CLASRP: variants seen among roughly 807,000 people sequenced by gnomAD.
The protein encoded by CLASRP is CLK4 associating serine/arginine rich protein.
Under a neutral mutation model 99.9 loss-of-function variants are expected in CLASRP, and 52 were observed. That is an observed-to-expected ratio of 0.52 (90% CI 0.42 to 0.66). The LOEUF (loss-of-function observed/expected upper bound fraction) is 0.66. Among genes scored for constraint, CLASRP ranks in the 30% least tolerant of loss-of-function variants. The pLI, the probability that CLASRP is intolerant of heterozygous loss-of-function variation, is 0.00. For missense variants in CLASRP, 848 were observed against 999.2 expected (o/e 0.85, Z 2.04); for synonymous variants, 379 against 373.0 (o/e 1.02, Z -0.18).
intron 5 of CLASRP, among the ~76,000 whole-genome samples, chr19:45,053,868 G>A (rs977626586): frequency 2.6e-5 from 4 of 152,126 alleles, no homozygotes; most frequent in African/African-American, 9.7e-5. Context: ...TGATCCTCCT[G>A]CCTTGGCCTC....
intron 6 of CLASRP, among the ~76,000 whole-genome samples, 184 bp from the exon 7 acceptor site, chr19:45,057,565 TG>T (rs768314262): frequency 3.9e-5 from 6 of 151,924 alleles, no homozygotes; most frequent in Non-Finnish European, 8.8e-5. Flanking sequence ...TCTTGGCAGG[TG>T]GGGCCCTAGA....
At chr19:45,045,526 A>AT (rs1395182475) in intron 2 of CLASRP, among the ~76,000 whole-genome samples, 1 of 151,998 alleles carries the variant, frequency 6.6e-6, no homozygotes, top group East Asian at 1.9e-4. Context: ...TTAAAAAAAA[A>AT]GTTTCGGGAT....
At chr19:45,058,215 C>G (rs186402244) in intron 7 of CLASRP, 1 of 358,554 alleles carries the variant, frequency 2.8e-6, no homozygotes, top group East Asian at 5.2e-5. Context: ...CTTCCCTCCT[C>G]TGGAAAACAA....
chr19:45,058,953 C>G (rs1158257557), intron 7 of CLASRP, among the ~76,000 whole-genome samples: 1 of 152,098 alleles, frequency 6.6e-6, no homozygotes, highest in African/African-American at 2.4e-5. Flanking sequence ...ATTCATCCAT[C>G]CATCCATCCC....
At chr19:45,056,369 C>A in intron 5 of CLASRP, 81 bp from the exon 6 acceptor site, 1 of 1,260,986 alleles carries the variant, frequency 7.9e-7, no homozygotes, top group Non-Finnish European at 1.2e-6. Flanking sequence ...TGTCTTCCTG[C>A]CCCACCGCAC....
chr19:45,052,696 G>A, intron 3 of CLASRP, 95 bp from the exon 4 acceptor site: 1 of 885,232 alleles, frequency 1.1e-6, no homozygotes, highest in South Asian at 1.5e-5. Flanking sequence ...CTGAGGGCCA[G>A]GCTTCTAAGC....
intron 5 of CLASRP, among the ~76,000 whole-genome samples, chr19:45,056,189 C>T (rs952722852): frequency 1.3e-5 from 2 of 152,226 alleles, no homozygotes; most frequent in Admixed American, 6.5e-5. Context: ...CAGGCACTCA[C>T]TCTGCCCGTG....
intron 7 of CLASRP, among the ~76,000 whole-genome samples, chr19:45,058,423 G>A (rs983703340): frequency 4.6e-5 from 7 of 152,046 alleles, no homozygotes; most frequent in Admixed American, 1.3e-4. Flanking sequence ...GTCTTGCTCT[G>A]TTACCGGGCT....
intron 2 of CLASRP, among the ~76,000 whole-genome samples, chr19:45,047,952 G>A (rs1057093692): frequency 6.6e-6 from 1 of 151,920 alleles, no homozygotes; most frequent in Non-Finnish European, 1.5e-5. Context: ...AGGCAGGTTG[G>A]TGCATGCCTG....
chr19:45,063,655 G>A (rs962544775), intron 11 of CLASRP, among the ~76,000 whole-genome samples: 15 of 151,584 alleles, frequency 9.9e-5, no homozygotes. Context: ...TTGCCTTGTT[G>A]GCCAGGCTGG....
intron 2 of CLASRP, among the ~76,000 whole-genome samples, chr19:45,043,950 C>T (rs1317722059): frequency 1.3e-5 from 2 of 151,978 alleles, no homozygotes; most frequent in Non-Finnish European, 1.5e-5. Context: ...GGCACGATCT[C>T]GGCTCAGTGC....
intron 11 of CLASRP, among the ~76,000 whole-genome samples, chr19:45,062,744 C>G (rs911090480): frequency 1.3e-5 from 2 of 152,260 alleles, no homozygotes; most frequent in South Asian, 2.1e-4. Context: ...TACAGTGCAG[C>G]CTTGTGGTAA....
chr19:45,053,281 A>C, intron 5 of CLASRP, 104 bp downstream of exon 5: 1 of 1,133,256 alleles, frequency 8.8e-7, no homozygotes, highest in Non-Finnish European at 1.3e-6. Flanking sequence ...CTTTCTACTA[A>C]AGGGCCTTGG....
chr19:45,070,162 G>A, intron 19 of CLASRP, 58 bp downstream of exon 19: 2 of 1,147,758 alleles, frequency 1.7e-6, no homozygotes, highest in South Asian at 2.4e-5. Flanking sequence ...TGTCAAGCAG[G>A]GTTACCAAAA....
At position 45,060,597 on chromosome 19, in the gene CLASRP, G is replaced by T. The variant is rs1477632260; in HGVS notation, c.833G>T (p.Arg278Leu). Residue 278 changes from arginine (R) to leucine (L), a missense_variant, in exon 10 of 21, where the codon CGG becomes CTG. By Grantham distance (102) the Arg-to-Leu change is moderately radical. Around this residue, in one of 8 missense-constraint regions of CLASRP, gnomAD observed 9 missense variants for 28.5 expected, o/e 0.32. Coordinates refer to ENST00000221455, the MANE Select transcript of CLASRP (RefSeq NM_007056.3). The surrounding 1 kb of genome is among the most constrained non-coding windows in gnomAD (Gnocchi z 4.6). ...CAGCGGAGAGAGTTTCGGGAGAAGC[G>T]GCTGAGGGGTCGCAAGATCAGCCCA... ...RRQRREFREK[R>L]LRGRKISPPS... The T allele has an allele frequency of 6.2e-7, 1 of 1,609,904 alleles. No individual in the cohort carries two copies. The highest frequency in any genetic ancestry group is 8.5e-7 in the Non-Finnish European group (1 of 1,178,778).
chr19:45,053,891 GATT>G (rs1972073246), intron 5 of CLASRP, among the ~76,000 whole-genome samples: 1 of 152,186 alleles, frequency 6.6e-6, no homozygotes, highest in Non-Finnish European at 1.5e-5. Flanking sequence ...AAATTGCTGG[GATT>G]ATAGACATGA....
intron 2 of CLASRP, among the ~76,000 whole-genome samples, chr19:45,041,450 C>CA (rs1971812448): frequency 6.6e-6 from 1 of 152,126 alleles, no homozygotes; most frequent in South Asian, 2.1e-4. Flanking sequence ...TATTACCCCC[C>CA]CTCACCTATT....
chr19:45,058,664 C>G (rs183007160), intron 7 of CLASRP, among the ~76,000 whole-genome samples: 4 of 152,222 alleles, frequency 2.6e-5, no homozygotes, highest in Admixed American at 1.3e-4. Context: ...GGATTACAGA[C>G]GTGAGCCACC....
At chr19:45,063,404 CTT>C (rs1222427485) in intron 11 of CLASRP, among the ~76,000 whole-genome samples, 3 of 113,202 alleles carry the variant, frequency 2.7e-5, no homozygotes, top group Non-Finnish European at 3.7e-5. Flanking sequence ...TTGAGTAAAA[CTT>C]TTCTGTGTTT....
Sources: gnomAD v4.1 joint callset for allele counts (sites outside exome capture counted in the v4.1 genomes callset) on GRCh38, gnomAD v4.1.1 for gene constraint, gnomAD v4.1.1 regional missense constraint, Gnocchi (gnomAD v3.1) non-coding constraint, MANE v1.5 for transcripts, NCBI Gene and HGNC (gene_info 2026-07-23, HGNC 2026-07-21) for gene names.